The following PTPN3 variants were observed in gnomAD, a reference collection of about 807,000 sequenced individuals.
PTPN3 encodes the protein protein tyrosine phosphatase non-receptor type 3, also known as tyrosine-protein phosphatase non-receptor type 3.
A neutral mutation model predicts 132.7 loss-of-function variants in PTPN3; 96 were observed. That is an observed-to-expected ratio of 0.72 (90% confidence interval 0.61 to 0.86). PTPN3 has a LOEUF of 0.86. PTPN3 is among the 40% of genes least tolerant of loss of function. PTPN3 has a pLI of 0.00. For missense variants in PTPN3, 1,125 were observed against 1,159.6 expected (o/e 0.97, Z 0.43); for synonymous variants, 398 against 429.0 (o/e 0.93, Z 0.89).
rs182792341 is a variant in PTPN3, at chr9:109,434,808, G to A, written c.676-1647C>T. 2.0e-3 allele frequency among the ~76,000 whole-genome samples: 303 copies of A among 152,310 alleles called. 2 individuals carry two copies. Among genetic ancestry groups the A allele is most frequent in the African/African-American group, 6.9e-3 (286 of 41,568 alleles). ...GAGATGAAAACCTAGAAGGGGGCTTGGCATATGGAGCTTCTAGAAGAGAGT... is the reference window on the plus strand; with the variant it reads ...GAGATGAAAACCTAGAAGGGGGCTTAGCATATGGAGCTTCTAGAAGAGAGT... On this transcript the variant is annotated intron_variant, in intron 9 of 25. Transcript: ENST00000374541.
intron 1 of PTPN3, among the ~76,000 whole-genome samples, chr9:109,489,072 C>G (rs548931036): frequency 5.3e-5 from 8 of 152,338 alleles, no homozygotes; most frequent in Admixed American, 3.9e-4. Context: ...ACTCCCGCCT[C>G]CTGCCCTTCT....
At chr9:109,384,642 T>C (rs868125403) in intron 22 of PTPN3, among the ~76,000 whole-genome samples, 1 of 152,230 alleles carries the variant, frequency 6.6e-6, no homozygotes, top group Non-Finnish European at 1.5e-5. Context: ...CCATCATAGA[T>C]CCTTCTGTCA....
chr9:109,433,161 C>T lies in PTPN3; in HGVS notation c.676G>A (p.Asp226Asn), dbSNP rs578110556. 3 of 1,613,908 alleles carry T rather than the reference C, an allele frequency of 1.9e-6. No homozygotes were observed. The highest frequency in any genetic ancestry group is 2.7e-5 in the African/African-American group (2 of 75,044). Residue 226 changes from aspartate (D) to asparagine (N), a missense_variant and splice_region_variant, in exon 10 of 26, where the codon GAT becomes AAT. Transcript: ENST00000374541. Reference protein sequence around the residue: ...FYGVELHSGRDLHNLDLMIGI... With the variant: ...FYGVELHSGRNLHNLDLMIGI... ...ATCATTAGGTCTAAATTGTGCAGATCCTGTAAAAAGGAAGATCTCAGATCC... is the reference window on the plus strand; with the variant it reads ...ATCATTAGGTCTAAATTGTGCAGATTCTGTAAAAAGGAAGATCTCAGATCC...
the PTPN3 span, among the ~76,000 whole-genome samples, chr9:109,525,734 C>A: frequency 6.6e-6 from 1 of 152,184 alleles, no homozygotes; most frequent in Non-Finnish European, 1.5e-5. Context: ...ATGACTTTTT[C>A]TCTAGTCGTT....
the PTPN3 span, among the ~76,000 whole-genome samples, chr9:109,513,495 C>G: frequency 0.47 from 71,675 of 152,048 alleles, 17,648 homozygotes; most frequent in South Asian, 0.59. Context: ...AAGTACATAA[C>G]CTTTCCTTCC....
intron 6 of PTPN3, among the ~76,000 whole-genome samples, chr9:109,447,306 T>G (rs1194200931): frequency 6.6e-6 from 1 of 152,094 alleles, no homozygotes; most frequent in Non-Finnish European, 1.5e-5. Flanking sequence ...GCAAACTATC[T>G]GTGGAAAAGA....
the PTPN3 span, among the ~76,000 whole-genome samples, chr9:109,537,911 T>A: frequency 6.6e-6 from 1 of 152,262 alleles, no homozygotes; most frequent in African/African-American, 2.4e-5. Flanking sequence ...GTTCTTATCA[T>A]TAACGTTCCC....
chr9:109,483,519 G>C (rs1847062189), intron 1 of PTPN3, among the ~76,000 whole-genome samples: 2 of 152,126 alleles, frequency 1.3e-5, no homozygotes, highest in Non-Finnish European at 2.9e-5. Context: ...CTTTCCATGT[G>C]GGGAGTGCTA....
At position 109,379,614 on chromosome 9, in the gene PTPN3, C is replaced by T; in HGVS notation, c.2684G>A (p.Cys895Tyr). The T allele has an allele frequency of 1.2e-6, 2 of 1,614,148 alleles. No individual in the cohort carries two copies. Among genetic ancestry groups the T allele is most frequent in the African/African-American group, 1.3e-5 (1 of 75,056 alleles). ...TTCATACACACGAAGAATCGCTTCA[C>T]ACACAAACTTGTACTGGCTCTGGAA... ...VQTSSQYKFV[C>Y]EAILRVYEEG... is the part of the protein sequence containing the mutation. Residue 895 changes from cysteine to tyrosine, a missense_variant, in exon 26 of 26, where the codon TGT (cysteine) becomes TAT (tyrosine). Transcript: ENST00000374541.
chr9:109,404,508 C>T lies in PTPN3; in HGVS notation c.1893G>A (p.Glu631=), dbSNP rs1841398394. 1 of 1,563,558 alleles carries T rather than the reference C, an allele frequency of 6.4e-7. No individual in the cohort carries two copies. The highest frequency in any genetic ancestry group is 1.3e-5 in the African/African-American group (1 of 74,470). ...CCTTCTTTAGCTGTGCCATGGATCCCTCCAAAGTGTCCCCACCCTCCGGAC... is the reference window on the plus strand; with the variant it reads ...CCTTCTTTAGCTGTGCCATGGATCCTTCCAAAGTGTCCCCACCCTCCGGAC... ...PMCPEGGDTL[E]GSMAQLKKGL... is the part of the protein sequence containing the mutation. Residue 631 remains glutamate (E), a synonymous_variant, in exon 19 of 26, where the codon GAG becomes GAA. Transcript: ENST00000374541.
At chr9:109,479,763 T>TA (rs1223249698) in intron 1 of PTPN3, among the ~76,000 whole-genome samples, 6 of 152,126 alleles carry the variant, frequency 3.9e-5, no homozygotes, top group African/African-American at 9.7e-5. Flanking sequence ...GTACTTTTGG[T>TA]AGACTGGGTT....
At chr9:109,406,126 T>C (rs1162395588) in intron 18 of PTPN3, among the ~76,000 whole-genome samples, 1 of 152,056 alleles carries the variant, frequency 6.6e-6, no homozygotes, top group East Asian at 1.9e-4. Context: ...GGGCTGAAAA[T>C]GCAAATGTCT....
intron 1 of PTPN3, among the ~76,000 whole-genome samples, chr9:109,497,609 G>T (rs1040827044): frequency 6.6e-6 from 1 of 152,146 alleles, no homozygotes; most frequent in African/African-American, 2.4e-5. Context: ...ATTTCGGGGG[G>T]GCTGGGCACT....
intron 7 of PTPN3, among the ~76,000 whole-genome samples, chr9:109,439,298 C>T (rs1481652148): frequency 6.6e-6 from 1 of 152,096 alleles, no homozygotes; most frequent in Non-Finnish European, 1.5e-5. Flanking sequence ...GAGATAATCT[C>T]TACCTCTAAT....
chr9:109,421,890 T>C (rs1427817066), intron 13 of PTPN3, among the ~76,000 whole-genome samples: 1 of 152,158 alleles, frequency 6.6e-6, no homozygotes, highest in African/African-American at 2.4e-5. Context: ...GCACTCTTAC[T>C]CCAGTGTGGA....
chr9:109,514,371 G>A, the PTPN3 span, among the ~76,000 whole-genome samples: 3 of 152,280 alleles, frequency 2.0e-5, no homozygotes, highest in East Asian at 1.9e-4. Flanking sequence ...TCCTTAGTCT[G>A]TGCCATATTT....
chr9:109,432,959 G>A (rs1843767557), intron 10 of PTPN3, 114 bp downstream of exon 10: 2 of 1,451,444 alleles, frequency 1.4e-6, no homozygotes, highest in Non-Finnish European at 1.8e-6. Flanking sequence ...AACTCGGGAG[G>A]CACTCTCTAT....
chr9:109,449,891 A>G (rs1845134726), intron 5 of PTPN3: 1 of 985,460 alleles, frequency 1.0e-6, no homozygotes, highest in Non-Finnish European at 1.2e-6. Flanking sequence ...AAACAGTATT[A>G]CAACCTCCTA....
intron 2 of PTPN3, among the ~76,000 whole-genome samples, chr9:109,457,755 C>T (rs1055562849): frequency 1.3e-5 from 2 of 152,192 alleles, no homozygotes; most frequent in Non-Finnish European, 2.9e-5. Flanking sequence ...AATGCTAACC[C>T]CAGGGTGGTT....
Sources: gnomAD v4.1 joint callset for allele counts (sites outside exome capture counted in the v4.1 genomes callset) on GRCh38, gnomAD v4.1.1 for gene constraint, MANE v1.5 for transcripts, NCBI Gene and HGNC (gene_info 2026-07-23, HGNC 2026-07-21) for gene names.